The following BMERB1 variants were observed in gnomAD, a reference collection of about 807,000 sequenced individuals.
The protein encoded by BMERB1 is bMERB domain-containing protein 1.
BMERB1 carries 12 observed loss-of-function variants against 23.6 expected under a neutral mutation model. That is an observed-to-expected ratio of 0.51 (90% CI 0.33 to 0.82). The LOEUF is 0.82. Ranked by LOEUF, BMERB1 falls within the 40% of genes least tolerant of loss-of-function variation. The pLI, the probability that BMERB1 is intolerant of heterozygous loss-of-function variation, is 0.03. For missense variants in BMERB1, 247 were observed against 255.4 expected, an observed-to-expected ratio of 0.97 and a Z score of 0.22; for synonymous variants, 122 against 96.6, an observed-to-expected ratio of 1.26 and a Z score of -1.54.
At chr16:15,544,238 C>T (rs2052111604) in intron 2 of BMERB1, among the ~76,000 whole-genome samples, 1 of 152,172 alleles carries the variant, frequency 6.6e-6, no homozygotes, top group Non-Finnish European at 1.5e-5. Flanking sequence ...GCGAGCTTTA[C>T]CATTTTACTG....
chr16:15,502,631 T>A (rs2051542559), intron 1 of BMERB1, among the ~76,000 whole-genome samples: 1 of 152,122 alleles, frequency 6.6e-6, no homozygotes. Context: ...GACAACGAAG[T>A]CTAGAGTGCC....
chr16:15,460,232 A>G (rs2051123012), intron 1 of BMERB1, among the ~76,000 whole-genome samples: 1 of 152,200 alleles, frequency 6.6e-6, no homozygotes, highest in Non-Finnish European at 1.5e-5. Context: ...TTAGAGAAGT[A>G]CTATGAGGAC....
Position 15,457,417 on chromosome 16 carries a change from A to G in BMERB1, c.106+22658A>G, listed in dbSNP as rs569888107. 5.3e-4 allele frequency among the ~76,000 whole-genome samples: 81 copies of G among 152,288 alleles called. 1 individual carries two copies. Among genetic ancestry groups the G allele is most frequent in the Admixed American group, 2.7e-3 (41 of 15,280 alleles). On this transcript the variant is annotated intron_variant, in intron 1 of 5. Transcript: ENST00000300006. ...TTTTGCACGTCTGACTCTTGCCTCC[A>G]GTTGTATCTGGTCTCATGAATCTTC...
chr16:15,455,935 A>G (rs1224959540), intron 1 of BMERB1, among the ~76,000 whole-genome samples: 1 of 152,154 alleles, frequency 6.6e-6, no homozygotes, highest in African/African-American at 2.4e-5. Context: ...CTTAATGACA[A>G]TTTGTGGCTT....
At chr16:15,558,320 T>C (rs2030323716) in intron 2 of BMERB1, among the ~76,000 whole-genome samples, 1 of 152,116 alleles carries the variant, frequency 6.6e-6, no homozygotes, top group East Asian at 1.9e-4. Flanking sequence ...AATTTAGGGA[T>C]CTTTATGGAA....
At chr16:15,517,056 AATGCTTCCC>A (rs1429086083) in intron 2 of BMERB1, among the ~76,000 whole-genome samples, 8 of 152,202 alleles carry the variant, frequency 5.3e-5, no homozygotes, top group African/African-American at 1.9e-4. Context: ...CCGTGAGCTA[AATGCTTCCC>A]ATGCATAATT....
chr16:15,474,107 G>C (rs568998035), intron 1 of BMERB1, among the ~76,000 whole-genome samples: 1 of 141,214 alleles, frequency 7.1e-6, no homozygotes, highest in Non-Finnish European at 1.5e-5. Context: ...GTGACAGAGT[G>C]AGACTCTGTC....
At chr16:15,468,618 G>A (rs868862049) in intron 1 of BMERB1, among the ~76,000 whole-genome samples, 31 of 152,060 alleles carry the variant, frequency 2.0e-4, no homozygotes, top group African/African-American at 7.5e-4. Context: ...CAGATGGTTG[G>A]GGGGCCTTAG....
At chr16:15,519,576 AGACAAGGTTTCACCATGTT>A in intron 2 of BMERB1, among the ~76,000 whole-genome samples, 1 of 151,892 alleles carries the variant, frequency 6.6e-6, no homozygotes. Flanking sequence ...TTTTTAGTAG[AGACAAGGTTTCACCATGTT>A]GGCCAGGCTG....
chr16:15,583,785 C>T (rs2031075427), intron 5 of BMERB1, among the ~76,000 whole-genome samples: 1 of 152,164 alleles, frequency 6.6e-6, no homozygotes, highest in Non-Finnish European at 1.5e-5. Context: ...CCTGGGGCCT[C>T]ATGCCTAGAA....
chr16:15,558,036 T>C (rs2030313779), intron 2 of BMERB1, among the ~76,000 whole-genome samples: 1 of 151,634 alleles, frequency 6.6e-6, no homozygotes, highest in South Asian at 2.1e-4. Context: ...AGAGCTAGAC[T>C]CCGTCTCAAA....
intron 1 of BMERB1, among the ~76,000 whole-genome samples, chr16:15,440,238 T>C: frequency 2.1e-5 from 2 of 94,668 alleles, no homozygotes; most frequent in African/African-American, 8.7e-5. Context: ...GAGCAAGACT[T>C]AATCTCAAAA....
chr16:15,575,489 G>A (rs1001075830), intron 3 of BMERB1, among the ~76,000 whole-genome samples: 1 of 152,114 alleles, frequency 6.6e-6, no homozygotes, highest in Admixed American at 6.5e-5. Flanking sequence ...GCTTGGGGTG[G>A]GGGTCTCCCA....
At chr16:15,577,705 C>T (rs993839801) in intron 3 of BMERB1, among the ~76,000 whole-genome samples, 1 of 152,226 alleles carries the variant, frequency 6.6e-6, no homozygotes, top group Admixed American at 6.5e-5. Context: ...TTCATTTTCC[C>T]TCAGGGCAGG....
chr16:15,526,315 A>G (rs993106864), intron 2 of BMERB1, among the ~76,000 whole-genome samples: 11 of 152,334 alleles, frequency 7.2e-5, no homozygotes, highest in African/African-American at 2.6e-4. Context: ...AGGTATGAAC[A>G]TGAAAGCATC....
At chr16:15,456,170 C>T (rs191434483) in intron 1 of BMERB1, among the ~76,000 whole-genome samples, 2 of 152,152 alleles carry the variant, frequency 1.3e-5, no homozygotes, top group African/African-American at 4.8e-5. Flanking sequence ...AATTGTCATT[C>T]CGTCACAAGT....
intron 2 of BMERB1, among the ~76,000 whole-genome samples, chr16:15,522,431 CCACACA>C (rs67864782): frequency 0.02 from 3,001 of 149,126 alleles, 104 homozygotes; most frequent in African/African-American, 0.07. Flanking sequence ...GTGTTGAAAA[CCACACA>C]CACACACACA....
chr16:15,579,627 T>G (rs1029781262), intron 3 of BMERB1, among the ~76,000 whole-genome samples: 2 of 152,116 alleles, frequency 1.3e-5, no homozygotes, highest in Admixed American at 1.3e-4. Flanking sequence ...TTTTTGCCTC[T>G]TAATTTTCTC....
At chr16:15,522,017 T>C (rs1162768477) in intron 2 of BMERB1, among the ~76,000 whole-genome samples, 1 of 152,216 alleles carries the variant, frequency 6.6e-6, no homozygotes, top group Non-Finnish European at 1.5e-5. Flanking sequence ...GCAGCCCCTC[T>C]GGCTCGCTTC....
Sources: allele counts gnomAD v4.1 joint callset (sites outside exome capture counted in the v4.1 genomes callset), GRCh38; gene constraint gnomAD v4.1.1; transcripts MANE v1.5; gene names NCBI Gene and HGNC (gene_info 2026-07-23, HGNC 2026-07-21).